Variants in CTNNA3 observed in about 807,000 individuals in gnomAD.
CTNNA3 encodes the protein catenin alpha-3.
In CTNNA3, 76 loss-of-function variants were observed where a neutral mutation model predicts 95.7. The ratio of observed to expected loss-of-function variants is 0.79; its 90% CI spans 0.66 to 0.96. The LOEUF is 0.96. CTNNA3 is among the 40% of genes least tolerant of loss of function. The pLI is 0.00. For synonymous variants in CTNNA3, 431 were observed against 374.4 expected, an observed-to-expected ratio of 1.15 and a Z score of -1.74; for missense variants, 1,191 against 1,089.8, an observed-to-expected ratio of 1.09 and a Z score of -1.31.
intron 5 of CTNNA3, among the ~76,000 whole-genome samples, chr10:67,392,480 T>C (rs948110799): frequency 3.3e-5 from 5 of 152,200 alleles, no homozygotes; most frequent in Admixed American, 6.5e-5. Context: ...ACTTCAACCA[T>C]TGTGGAAGTC....
rs186538783 is a variant in CTNNA3, at chr10:65,998,368, T to A, written c.2160-9571A>T. Among the ~76,000 whole-genome samples the A allele has an allele frequency of 7.9e-5, 12 of 152,286 alleles. No homozygotes were observed. The East Asian group carries it at 2.3e-3, about 29-fold the overall frequency. On this transcript the variant is annotated intron_variant, in intron 15 of 17. Transcript: ENST00000433211. ...AATATGATAAGGGGACATTTTTCTA[T>A]CTTCCCTTTTTTGAAAAAAAATAAA...
In CTNNA3 at chr10:67,490,580, AG is replaced by A. The variant is rs547663551; in HGVS notation, c.579+31261del. On this transcript the variant is annotated intron_variant, in intron 5 of 17. Transcript: ENST00000433211. ...GGGAACAAGGGCAAGATGGGGCCAG[AG>A]TGGAGGGATGGTGGGAGATGGGGGA... Among the ~76,000 whole-genome samples, 598 of 152,270 alleles carry A rather than the reference AG, an allele frequency of 3.9e-3. 1 individual carries two copies. The highest frequency in any genetic ancestry group is 6.0e-3 in the Non-Finnish European group (407 of 68,008).
intron 12 of CTNNA3, among the ~76,000 whole-genome samples, chr10:66,306,344 G>C (rs74141419): frequency 3.9e-4 from 60 of 152,214 alleles, no homozygotes; most frequent in African/African-American, 1.3e-3. Flanking sequence ...TCCCTGTTCT[G>C]AGTCTTCTTT....
At chr10:66,387,259 A>C (rs975011753) in intron 11 of CTNNA3, among the ~76,000 whole-genome samples, 1 of 152,144 alleles carries the variant, frequency 6.6e-6, no homozygotes, top group African/African-American at 2.4e-5. Flanking sequence ...AGAAAAAAAA[A>C]CAAGTCCATC....
chr10:66,582,217 T>C (rs1317186657), intron 10 of CTNNA3, among the ~76,000 whole-genome samples: 1 of 151,950 alleles, frequency 6.6e-6, no homozygotes, highest in East Asian at 1.9e-4. Context: ...GCATTGAATC[T>C]GTAGATTGCT....
chr10:66,157,914 T>G (rs1163271915), intron 13 of CTNNA3, among the ~76,000 whole-genome samples: 2 of 152,146 alleles, frequency 1.3e-5, no homozygotes, highest in Non-Finnish European at 2.9e-5. Context: ...TGATCATTAG[T>G]GATGTTGAGC....
intron 5 of CTNNA3, among the ~76,000 whole-genome samples, chr10:67,286,993 C>G (rs1419117507): frequency 1.3e-5 from 2 of 152,056 alleles, no homozygotes; most frequent in African/African-American, 4.8e-5. Flanking sequence ...CTCTGAAATC[C>G]CCCTAGAAGC....
At chr10:66,188,817 C>A (rs2086487733) in intron 13 of CTNNA3, among the ~76,000 whole-genome samples, 1 of 152,090 alleles carries the variant, frequency 6.6e-6, no homozygotes, top group Non-Finnish European at 1.5e-5. Context: ...CTGTTTTCCA[C>A]AATGGCTACA....
At chr10:67,717,781 G>T (rs1841152932) in intron 1 of CTNNA3, among the ~76,000 whole-genome samples, 1 of 152,108 alleles carries the variant, frequency 6.6e-6, no homozygotes, top group East Asian at 1.9e-4. Flanking sequence ...TTTTTGCTTA[G>T]GATTGTCTAG....
At chr10:66,485,182 T>C (rs1400415557) in intron 11 of CTNNA3, among the ~76,000 whole-genome samples, 1 of 152,126 alleles carries the variant, frequency 6.6e-6, no homozygotes, top group African/African-American at 2.4e-5. Context: ...AAGAAAAGTG[T>C]GCATACTTTT....
intron 12 of CTNNA3, among the ~76,000 whole-genome samples, chr10:66,284,591 A>G (rs983778754): frequency 6.6e-6 from 1 of 151,880 alleles, no homozygotes; most frequent in Non-Finnish European, 1.5e-5. Flanking sequence ...TCCCTTCTTA[A>G]TCCTTGATAA....
chr10:67,175,318 A>C (rs1862190507), intron 7 of CTNNA3, among the ~76,000 whole-genome samples: 1 of 152,144 alleles, frequency 6.6e-6, no homozygotes, highest in Admixed American at 6.6e-5. Flanking sequence ...TTAAGGCTGG[A>C]ATTATTTCCA....
chr10:67,577,190 T>C (rs1253910116), intron 3 of CTNNA3, among the ~76,000 whole-genome samples: 1 of 151,794 alleles, frequency 6.6e-6, no homozygotes, highest in Non-Finnish European at 1.5e-5. Flanking sequence ...ATTGTTCCTA[T>C]TTCTCCACAT....
chr10:66,350,798 A>C (rs2092561254), intron 12 of CTNNA3, among the ~76,000 whole-genome samples: 2 of 151,996 alleles, frequency 1.3e-5, no homozygotes, highest in African/African-American at 4.8e-5. Flanking sequence ...TGAATTTTAC[A>C]CTATTTACAC....
chr10:65,982,669 ATATG>A (rs1445873315), intron 16 of CTNNA3, among the ~76,000 whole-genome samples: 1 of 150,488 alleles, frequency 6.6e-6, no homozygotes, highest in African/African-American at 2.4e-5. Context: ...AATGTGGTAT[ATATG>A]TGTGTGTGTA....
intron 5 of CTNNA3, among the ~76,000 whole-genome samples, chr10:67,275,416 A>G (rs1009291952): frequency 2.0e-5 from 3 of 152,190 alleles, no homozygotes; most frequent in Non-Finnish European, 4.4e-5. Flanking sequence ...AGAAACTTTG[A>G]TCAAACTACA....
At chr10:66,987,940 A>T (rs1850824778) in intron 7 of CTNNA3, among the ~76,000 whole-genome samples, 1 of 152,192 alleles carries the variant, frequency 6.6e-6, no homozygotes, top group Non-Finnish European at 1.5e-5. Context: ...ATGATCTTTT[A>T]AAAACATTTC....
intron 1 of CTNNA3, among the ~76,000 whole-genome samples, chr10:67,729,374 G>C (rs866426043): frequency 3.3e-5 from 5 of 152,040 alleles, no homozygotes; most frequent in African/African-American, 1.2e-4. Context: ...ACCATTTCTT[G>C]ATGAGATTTT....
chr10:67,422,259 G>A (rs1209321061), intron 5 of CTNNA3, among the ~76,000 whole-genome samples: 2 of 152,074 alleles, frequency 1.3e-5, no homozygotes, highest in African/African-American at 4.8e-5. Flanking sequence ...TTTGATAACT[G>A]TATTGAGATT....
Sources: gnomAD v4.1 joint callset for allele counts (sites outside exome capture counted in the v4.1 genomes callset) on GRCh38, gnomAD v4.1.1 for gene constraint, MANE v1.5 for transcripts, NCBI Gene and HGNC (gene_info 2026-07-23, HGNC 2026-07-21) for gene names.